The following PAK1 variants were observed in gnomAD, a reference collection of about 807,000 sequenced individuals.
PAK1 encodes the protein p21 (RAC1) activated kinase 1, also known as serine/threonine-protein kinase PAK 1.
Under a neutral mutation model 67.4 loss-of-function variants are expected in PAK1, and 29 were observed. That is an observed-to-expected ratio of 0.43 (90% CI 0.32 to 0.59). The LOEUF (loss-of-function observed/expected upper bound fraction) is 0.59, where lower values mean the gene tolerates loss of function less well. PAK1 is among the 20% of genes least tolerant of loss of function. The pLI is 0.07. For missense variants in PAK1, 337 were observed against 670.7 expected, an observed-to-expected ratio of 0.50 and a Z score of 5.50; for synonymous variants, 223 against 237.4, an observed-to-expected ratio of 0.94 and a Z score of 0.56.
In PAK1 at chr11:77,379,883, C is replaced by G; in HGVS notation, c.291+11G>C. The G allele has an allele frequency of 6.3e-7, 1 of 1,592,658 alleles. No homozygotes were observed. The highest frequency in any genetic ancestry group is 8.6e-7 in the Non-Finnish European group (1 of 1,161,006). On this transcript the variant is annotated intron_variant, in intron 3 of 14. Coordinates refer to ENST00000356341, the MANE Select transcript of PAK1 (RefSeq NM_002576.5). ...AAAAGACTAAAGACCTTTCTGTGAC[C>G]CAGGACTTACCGTAAACTCCCCTGT...
chr11:77,355,873 C>CCAG, intron 6 of PAK1, 31 bp from the exon 7 acceptor site: 1 of 1,552,124 alleles, frequency 6.4e-7, no homozygotes, highest in Non-Finnish European at 8.9e-7. Flanking sequence ...TTTGGCAAGA[C>CCAG]CAGCCTTTGT....
intron 13 of PAK1, 46 bp downstream of exon 13, chr11:77,336,040 A>G (rs769693157): frequency 1.6e-6 from 2 of 1,263,774 alleles, no homozygotes; most frequent in South Asian, 2.7e-5. Context: ...TCCTGGGACT[A>G]GAGACAACAG....
At chr11:77,345,826 G>A (rs1944330879) in intron 9 of PAK1, among the ~76,000 whole-genome samples, 2 of 152,174 alleles carry the variant, frequency 1.3e-5, no homozygotes, top group Admixed American at 1.3e-4. Context: ...AAGGACTGGA[G>A]CCAGAAGAAT....
chr11:77,393,719 T>TAG, intron 1 of PAK1, among the ~76,000 whole-genome samples: 1 of 152,278 alleles, frequency 6.6e-6, no homozygotes, highest in African/African-American at 2.4e-5. Context: ...AGATAGGGGA[T>TAG]AGGACAAGCG....
chr11:77,412,446 G>C, intron 1 of PAK1, among the ~76,000 whole-genome samples: 1 of 151,908 alleles, frequency 6.6e-6, no homozygotes, highest in East Asian at 1.9e-4. Context: ...TTATTATTTT[G>C]AGACAAGAGT....
chr11:77,480,451 C>T, the PAK1 span, among the ~76,000 whole-genome samples: 1 of 151,414 alleles, frequency 6.6e-6, no homozygotes, highest in Non-Finnish European at 1.5e-5. Flanking sequence ...GTTTAATATA[C>T]ACTTTCTCAT....
At chr11:77,470,412 C>T (rs2135566206) in intron 1 of PAK1, among the ~76,000 whole-genome samples, 1 of 152,248 alleles carries the variant, frequency 6.6e-6, no homozygotes, top group South Asian at 2.1e-4. Flanking sequence ...CATATTATCT[C>T]TAGCTCCTTA....
At chr11:77,492,080 C>G in the PAK1 span, among the ~76,000 whole-genome samples, 2 of 152,184 alleles carry the variant, frequency 1.3e-5, no homozygotes, top group Non-Finnish European at 2.9e-5. Flanking sequence ...TGAATTCAGT[C>G]AATCAACATA....
intron 1 of PAK1, among the ~76,000 whole-genome samples, chr11:77,412,309 AAG>A (rs1435686917): frequency 6.6e-6 from 1 of 152,134 alleles, no homozygotes; most frequent in East Asian, 1.9e-4. Context: ...GCCTCAGAGA[AAG>A]AGATACACCT....
intron 5 of PAK1, among the ~76,000 whole-genome samples, chr11:77,373,516 C>T (rs953226902): frequency 1.4e-5 from 2 of 147,908 alleles, no homozygotes; most frequent in Admixed American, 6.8e-5. Flanking sequence ...GCTATGATCA[C>T]ACCATTGCAC....
At chr11:77,370,441 A>G (rs1189596190) in intron 5 of PAK1, among the ~76,000 whole-genome samples, 1 of 152,174 alleles carries the variant, frequency 6.6e-6, no homozygotes, top group East Asian at 1.9e-4. Context: ...TGTTCACTGT[A>G]AGGAGGAGGC....
At chr11:77,465,014 CTGTGTGTGTGTCTG>C (rs775356567) in intron 1 of PAK1, among the ~76,000 whole-genome samples, 1,746 of 105,120 alleles carry the variant, frequency 0.017, 18 homozygotes, top group South Asian at 0.032. Context: ...GTGTGTGTGT[CTGTGTGTGTGTCTG>C]TGTGTGTGTG....
At chr11:77,326,016 C>T (rs1939734008) in intron 14 of PAK1, among the ~76,000 whole-genome samples, 1 of 152,162 alleles carries the variant, frequency 6.6e-6, no homozygotes. Flanking sequence ...CTGCCCTGCC[C>T]TGCCCTGCTC....
intron 1 of PAK1, among the ~76,000 whole-genome samples, chr11:77,446,497 G>C (rs1956609714): frequency 7.2e-6 from 1 of 137,972 alleles, no homozygotes; most frequent in Non-Finnish European, 1.5e-5. Context: ...GAGTGAAACA[G>C]CGAGACCCTG....
At chr11:77,387,448 G>A (rs1376469690) in intron 2 of PAK1, among the ~76,000 whole-genome samples, 6 of 152,152 alleles carry the variant, frequency 3.9e-5, no homozygotes, top group Admixed American at 2.6e-4. Flanking sequence ...AGATAGTTAT[G>A]TTACAATGGA....
intron 6 of PAK1, chr11:77,356,078 A>G: frequency 2.5e-6 from 1 of 392,318 alleles, no homozygotes; most frequent in Non-Finnish European, 4.5e-6. Context: ...AAAGATATTC[A>G]ATAGAGGCTA....
rs181932001 is a variant in PAK1, at chr11:77,473,947, G to A, written c.-417C>T. 2.1e-3 allele frequency: 316 copies of A among 151,978 alleles called. 11 individuals are homozygous for A. In the East Asian group the frequency reaches 0.052, roughly 25 times the overall value. The allele number at this position is 151,978 out of a possible 1,614,324, so 9.4% of individuals were successfully genotyped here. On this transcript the variant is annotated 5_prime_UTR_variant, in exon 1 of 15. Transcript: ENST00000356341. The stretch of plus-strand genomic sequence containing the variant: ...GGCGTCTGTGGGGGAGGACTGCAGA[G>A]CCTGTGAGGGAAGCGCGATGGGCGA...
At chr11:77,373,660 G>A (rs992408014) in intron 5 of PAK1, among the ~76,000 whole-genome samples, 14 of 87,892 alleles carry the variant, frequency 1.6e-4, no homozygotes, top group Non-Finnish European at 2.8e-4. Flanking sequence ...TTTTATCCCT[G>A]TAAGTGCCCT....
chr11:77,529,481 A>T, the PAK1 span, among the ~76,000 whole-genome samples: 2 of 152,194 alleles, frequency 1.3e-5, no homozygotes, highest in Admixed American at 1.3e-4. Context: ...TTAGAAAAAG[A>T]TGTTATTTTA....
Sources: gnomAD v4.1 joint callset for allele counts (sites outside exome capture counted in the v4.1 genomes callset) on GRCh38, gnomAD v4.1.1 for gene constraint, MANE v1.5 for transcripts, NCBI Gene and HGNC (gene_info 2026-07-23, HGNC 2026-07-21) for gene names.